AGRN: variants seen among roughly 807,000 people sequenced by gnomAD.
AGRN encodes agrin proteoglycan.
In AGRN, 106 loss-of-function variants were observed where a neutral mutation model predicts 211.0. The observed-to-expected ratio is 0.50, with a 90% CI of 0.43 to 0.59. The LOEUF is 0.59. AGRN is among the 20% of genes least tolerant of loss of function. The pLI is 0.00. For missense variants in AGRN, 3,040 were observed against 2,982.6 expected, an observed-to-expected ratio of 1.02 and a Z score of -0.45; for synonymous variants, 1,525 against 1,332.5, an observed-to-expected ratio of 1.14 and a Z score of -3.15.
intron 2 of AGRN, chr1:1,034,998 G>A (rs1644767078): frequency 1.2e-5 from 7 of 568,450 alleles, no homozygotes; most frequent in South Asian, 1.1e-4. Context: ...ACTCTTCCAG[G>A]GAAGGGGGTC....
chr1:1,051,971 T>C, intron 33 of AGRN, 156 bp downstream of exon 33: 1 of 1,546,678 alleles, frequency 6.5e-7, no homozygotes, highest in Non-Finnish European at 8.7e-7. Context: ...CGCCTCTCAC[T>C]GTCTGTCTCT....
At position 1,044,295 on chromosome 1, in the gene AGRN, G is replaced by A. The variant is rs1645030869; in HGVS notation, c.2148+38G>A. 6 of 1,612,378 alleles carry A rather than the reference G, an allele frequency of 3.7e-6. No homozygotes were observed. In the East Asian group the frequency reaches 1.3e-4, roughly 36 times the overall value. ...CCCCTGGCTCTCGGCGGGCGGCGGG[G>A]ACGGGGCTGCGGCCGCTCACACTGA... On this transcript the variant is annotated intron_variant, in intron 11 of 35. Coordinates refer to ENST00000379370, the MANE Select transcript of AGRN (RefSeq NM_198576.4).
chr1:1,054,626 G>A, intron 35 of AGRN, 75 bp downstream of exon 35: 1 of 1,524,208 alleles, frequency 6.6e-7, no homozygotes, highest in East Asian at 2.4e-5. Context: ...CCACCCCCCA[G>A]CGCCCACCCT....
rs1645218284 is a variant in AGRN at position 1,049,704 on chromosome 1, C to T, written c.4653C>T (p.His1551=). The T allele has an allele frequency of 5.7e-6, 9 of 1,577,420 alleles. No individual in the cohort carries two copies. Among genetic ancestry groups the T allele is most frequent in the Non-Finnish European group, 7.7e-6 (9 of 1,163,158 alleles). The change falls in exon 26 of 36, where the codon CAC becomes CAT. Residue 1551 remains histidine, a synonymous_variant. Coordinates refer to ENST00000379370, the MANE Select transcript of AGRN (RefSeq NM_198576.4). ...RGSGVGECGD[H]PCLPNPCHGG... The stretch of plus-strand genomic sequence containing the variant: ...CTGGCGTGGGCGAGTGCGGGGACCA[C>T]CCCTGCCTGCCCAACCCCTGCCATG...
intron 3 of AGRN, among the ~76,000 whole-genome samples, chr1:1,036,373 C>T (rs1557695492): frequency 6.6e-6 from 1 of 152,094 alleles, no homozygotes; most frequent in South Asian, 2.1e-4. Flanking sequence ...GGGGTCTTCC[C>T]TCGGAGTGTG....
intron 3 of AGRN, 55 bp from the exon 4 acceptor site, chr1:1,040,610 T>C (rs1387821730): frequency 3.9e-6 from 6 of 1,537,272 alleles, no homozygotes; most frequent in Middle Eastern, 2.2e-4. Context: ...CTCAGGCTTG[T>C]GGACGTGGGT....
chr1:1,034,648 G>C, intron 2 of AGRN: 1 of 988,348 alleles, frequency 1.0e-6, no homozygotes, highest in Non-Finnish European at 1.2e-6. Context: ...ACGCCTGCCT[G>C]ATCCTGCTGG....
rs552512280 is a variant in AGRN at position 1,051,826 on chromosome 1, A to G, written c.5651+11A>G. On this transcript the variant is annotated intron_variant, in intron 33 of 35. Coordinates refer to ENST00000379370, the MANE Select transcript of AGRN (RefSeq NM_198576.4). ...CGCTGTGACCGAGAGGTAACGTGCC[A>G]TCCTCTGCTGGCTGTCGGTTCCATC... 5.1e-5 allele frequency: 83 copies of G among 1,613,344 alleles called. No individual in the cohort carries two copies. The Admixed American group carries it at 5.7e-4, about 11-fold the overall frequency.
At chr1:1,025,251 T>C (rs955306708) in intron 2 of AGRN, among the ~76,000 whole-genome samples, 3 of 152,152 alleles carry the variant, frequency 2.0e-5, no homozygotes, top group African/African-American at 7.2e-5. Context: ...TGCCCAGCTC[T>C]GAAGCCCGGG....
chr1:1,030,604 C>T (rs1289747582), intron 2 of AGRN, among the ~76,000 whole-genome samples: 3 of 20,594 alleles, frequency 1.5e-4, no homozygotes, highest in Admixed American at 7.5e-4. Flanking sequence ...GTGAGATCAG[C>T]GTGTGTGTGT....
In AGRN at chr1:1,044,451, G is replaced by A. The variant is rs1645035295; in HGVS notation, c.2254+12G>A. ...GGGAGCCTGCCGAGGTGAGCCGGCT[G>A]CACGTGGGGTCTCAGGCACAGGCGG... On this transcript the variant is annotated intron_variant, in intron 12 of 35. Transcript: ENST00000379370. 4 of 1,599,482 alleles carry A rather than the reference G, an allele frequency of 2.5e-6. No homozygotes were observed. Among genetic ancestry groups the A allele is most frequent in the African/African-American group, 1.3e-5 (1 of 74,544 alleles).
At position 1,049,582 on chromosome 1, in the gene AGRN, T is replaced by C; in HGVS notation, c.4531T>C (p.Phe1511Leu). The change falls in exon 26 of 36, where the codon TTC becomes CTC. Residue 1511 changes from phenylalanine to leucine, a missense_variant. Physicochemically the swap from Phe to Leu is conservative, Grantham distance 22. Coordinates refer to ENST00000379370, the MANE Select transcript of AGRN (RefSeq NM_198576.4). ...TGGTGGCAGGGCGCTGGAGCGGACC[T>C]TCGTGGGCGCCGGCCTGAGGGGGTG... ...DQAAVALERT[F>L]VGAGLRGCIR... 6.3e-7 allele frequency: 1 copy of C among 1,590,276 alleles called. No individual in the cohort carries two copies. Among genetic ancestry groups the C allele is most frequent in the Non-Finnish European group, 8.6e-7 (1 of 1,169,504 alleles).
At chr1:1,022,979 C>CACT (rs1570134001) in intron 2 of AGRN, among the ~76,000 whole-genome samples, 2 of 152,234 alleles carry the variant, frequency 1.3e-5, no homozygotes, top group African/African-American at 2.4e-5. Flanking sequence ...GCCGAAGGGC[C>CACT]GAGGAGTGGC....
At position 1,020,142 on chromosome 1, in the gene AGRN, G is replaced by A. The variant is rs1570123896; in HGVS notation, c.-31G>A. 1 of 1,134,598 alleles carries A rather than the reference G, an allele frequency of 8.8e-7. No homozygotes were observed. The highest frequency in any genetic ancestry group is 1.1e-6 in the Non-Finnish European group (1 of 898,390). The allele number at this position is 1,134,598 out of a possible 1,614,324, so 70.3% of individuals were successfully genotyped here. On this transcript the variant is annotated 5_prime_UTR_variant, in exon 1 of 36. Coordinates refer to ENST00000379370, the MANE Select transcript of AGRN (RefSeq NM_198576.4). ...TCCAGTCCCGTCCCCGGCGCGGCCCGCGCGCTCCTCCGCCGCCTCTCGCCT... is the reference window on the plus strand; with the variant it reads ...TCCAGTCCCGTCCCCGGCGCGGCCCACGCGCTCCTCCGCCGCCTCTCGCCT...
At position 1,042,097 on chromosome 1, in the gene AGRN, G is replaced by A; in HGVS notation, c.1319G>A (p.Cys440Tyr). 6.2e-7 allele frequency: 1 copy of A among 1,603,526 alleles called. No individual in the cohort carries two copies. The highest frequency in any genetic ancestry group is 1.7e-5 in the Admixed American group (1 of 59,932). ...GACGGGCGCACGTATGACAGTGATT[G>A]CTGGCGGCAGCAGGCTGAGTGCCGG... ...AQDGRTYDSDCWRQQAECRQQ... is the reference protein window; with the variant it reads ...AQDGRTYDSDYWRQQAECRQQ... The change falls in exon 7 of 36, where the codon TGC becomes TAC. Residue 440 changes from cysteine (C) to tyrosine (Y), a missense_variant. Physicochemically the swap from Cys to Tyr is radical, Grantham distance 194 (BLOSUM62 -2). Transcript: ENST00000379370.
chr1:1,026,429 C>T (rs1029403647), intron 2 of AGRN, among the ~76,000 whole-genome samples: 1 of 152,142 alleles, frequency 6.6e-6, no homozygotes, highest in African/African-American at 2.4e-5. Flanking sequence ...GGTGCCCGTG[C>T]CTCGGGGCCA....
intron 7 of AGRN, among the ~76,000 whole-genome samples, chr1:1,042,431 C>T (rs554289009): frequency 2.0e-5 from 3 of 152,292 alleles, no homozygotes; most frequent in Admixed American, 2.0e-4. Flanking sequence ...GGCCTGTCCG[C>T]ATGTCTCCAC....
Position 1,049,677 on chromosome 1 carries a change from C to T in AGRN, c.4626C>T (p.Gly1542=), listed in dbSNP as rs1420757030. The T allele has an allele frequency of 2.5e-6, 4 of 1,575,874 alleles. No homozygotes were observed. The highest frequency in any genetic ancestry group is 1.7e-4 in the Middle Eastern group (1 of 6,020). ...LGIGPGAATR[G]SGVGECGDHP... is the part of the protein sequence containing the mutation. ...TTGGGCCGGGGGCTGCCACCCGAGG[C>T]TCTGGCGTGGGCGAGTGCGGGGACC... Residue 1542 remains glycine, a synonymous_variant, in exon 26 of 36, where the codon GGC becomes GGT. Transcript: ENST00000379370.
intron 7 of AGRN, 37 bp downstream of exon 7, chr1:1,042,199 T>C: frequency 6.4e-7 from 1 of 1,565,600 alleles, no homozygotes; most frequent in Non-Finnish European, 8.6e-7. Context: ...CGGGGTGGGC[T>C]GCTCCTGCGT....
Sources: allele counts gnomAD v4.1 joint callset (sites outside exome capture counted in the v4.1 genomes callset), GRCh38; gene constraint gnomAD v4.1.1; transcripts MANE v1.5; gene names NCBI Gene and HGNC (gene_info 2026-07-23, HGNC 2026-07-21).